Variants in RIMS2 observed in about 807,000 individuals in gnomAD.
RIMS2 encodes the protein regulating synaptic membrane exocytosis protein 2.
A neutral mutation model predicts 174.4 loss-of-function variants in RIMS2; 59 were observed. The ratio of observed to expected loss-of-function variants is 0.34; its 90% CI spans 0.27 to 0.42. The LOEUF (loss-of-function observed/expected upper bound fraction) is 0.42, where lower values mean the gene tolerates loss of function less well. Ranked by LOEUF, RIMS2 falls within the 10% of genes least tolerant of loss-of-function variation. The pLI, the probability that RIMS2 is intolerant of heterozygous loss-of-function variation, is 1.00. For synonymous variants in RIMS2, 606 were observed against 572.5 expected (o/e 1.06, Z -0.84); for missense variants, 1,620 against 1,666.3 (o/e 0.97, Z 0.48).
chr8:103,888,876 G>A (rs2099224316), intron 4 of RIMS2, among the ~76,000 whole-genome samples: 1 of 151,384 alleles, frequency 6.6e-6, no homozygotes. Flanking sequence ...TTAATCATTT[G>A]TTTCACAGAG....
rs867309777 is a variant in RIMS2 at position 103,938,488 on chromosome 8, C to T, written c.2547+1766C>T. The stretch of plus-strand genomic sequence containing the variant: ...ATTACCTCCCACTGGGTCCTTCCCA[C>T]GACACATGGGAATTGTGGAAATTAC... On this transcript the variant is annotated intron_variant, in intron 13 of 23. Transcript: ENST00000504942. 3.4e-4 allele frequency among the ~76,000 whole-genome samples: 51 copies of T among 152,184 alleles called. No homozygotes were observed. In the Middle Eastern group the frequency reaches 0.017, roughly 51 times the overall value.
chr8:104,171,755 C>G (rs1051315142), intron 19 of RIMS2, among the ~76,000 whole-genome samples: 1 of 152,076 alleles, frequency 6.6e-6, no homozygotes, highest in Non-Finnish European at 1.5e-5. Flanking sequence ...GGTTCCCATT[C>G]ATTTGGGTAA....
At chr8:103,931,533 G>A (rs1024767655) in intron 12 of RIMS2, 140 bp downstream of exon 14, 1 of 492,476 alleles carries the variant, frequency 2.0e-6, no homozygotes, top group Non-Finnish European at 3.3e-6. Context: ...ATGTTCTTAG[G>A]AAACAAAATA....
chr8:104,157,946 G>GT (rs2098734809), intron 19 of RIMS2, among the ~76,000 whole-genome samples: 1 of 151,988 alleles, frequency 6.6e-6, no homozygotes, highest in Admixed American at 6.6e-5. Context: ...AAGTTCTAGG[G>GT]TACATGTGCA....
chr8:103,875,358 C>A (rs1240827083), intron 3 of RIMS2, among the ~76,000 whole-genome samples: 1 of 151,914 alleles, frequency 6.6e-6, no homozygotes, highest in Non-Finnish European at 1.5e-5. Context: ...TAAGAACATA[C>A]AATATTTGGT....
intron 3 of RIMS2, among the ~76,000 whole-genome samples, chr8:103,839,738 T>A (rs897003216): frequency 6.6e-6 from 1 of 152,246 alleles, no homozygotes; most frequent in Non-Finnish European, 1.5e-5. Flanking sequence ...CTGGAGCTTA[T>A]TCACTTAGCT....
chr8:103,855,077 T>G (rs2099020437), intron 3 of RIMS2, among the ~76,000 whole-genome samples: 2 of 152,082 alleles, frequency 1.3e-5, no homozygotes, highest in South Asian at 4.1e-4. Flanking sequence ...TATTCCTGAT[T>G]CAGTCTCGGG....
At chr8:103,549,780 A>G (rs1016370523) in intron 1 of RIMS2, among the ~76,000 whole-genome samples, 1 of 152,172 alleles carries the variant, frequency 6.6e-6, no homozygotes, top group African/African-American at 2.4e-5. Flanking sequence ...AGGAAGATCT[A>G]CCAAGCAAAT....
chr8:103,707,686 C>T (rs747946324), intron 2 of RIMS2, among the ~76,000 whole-genome samples: 1 of 152,106 alleles, frequency 6.6e-6, no homozygotes, highest in Non-Finnish European at 1.5e-5. Context: ...GCAAGTGGCA[C>T]CATGCTGGGT....
At chr8:103,619,996 T>A (rs1033454336) in intron 1 of RIMS2, among the ~76,000 whole-genome samples, 1 of 152,166 alleles carries the variant, frequency 6.6e-6, no homozygotes, top group African/African-American at 2.4e-5. Context: ...TTTTGCATTT[T>A]ACCTATAACA....
chr8:103,859,511 TAA>T (rs1280368801), intron 3 of RIMS2, among the ~76,000 whole-genome samples: 1 of 152,092 alleles, frequency 6.6e-6, no homozygotes, highest in Non-Finnish European at 1.5e-5. Context: ...ACTTAAGCAG[TAA>T]AGTTACTGAT....
intron 1 of RIMS2, among the ~76,000 whole-genome samples, chr8:103,627,326 A>G (rs4299973): frequency 0.18 from 27,862 of 152,112 alleles, 2,808 homozygotes; most frequent in African/African-American, 0.26. Flanking sequence ...CCTGAAAATC[A>G]CTGTTATTCT....
intron 19 of RIMS2, among the ~76,000 whole-genome samples, chr8:104,194,934 A>T (rs1046389599): frequency 2.0e-5 from 3 of 152,230 alleles, no homozygotes; most frequent in Non-Finnish European, 2.9e-5. Context: ...ATTCAGTATT[A>T]CTGAAGCTTG....
In RIMS2 at chr8:103,593,038, T is replaced by C. The variant is rs536003441; in HGVS notation, c.176+91976T>C. Among the ~76,000 whole-genome samples the C allele has an allele frequency of 4.6e-5, 7 of 151,552 alleles. No homozygotes were observed. The East Asian group carries it at 1.4e-3, about 29-fold the overall frequency. ...TGAAAGAAGTGCCAAACTATTGTTA[T>C]TTACATTTGGATGTTTGAAGACATT... On this transcript the variant is annotated intron_variant, in intron 1 of 23. Coordinates refer to ENST00000504942, the Ensembl canonical transcript of RIMS2.
At chr8:103,749,304 G>A (rs1054032817) in intron 2 of RIMS2, among the ~76,000 whole-genome samples, 3 of 150,870 alleles carry the variant, frequency 2.0e-5, no homozygotes, top group Non-Finnish European at 4.4e-5. Context: ...AGTAGAAACG[G>A]GGTTTCACCA....
At chr8:103,918,609 G>T (rs749954069) in intron 9 of RIMS2, 122 bp downstream of exon 12, 3 of 717,594 alleles carry the variant, frequency 4.2e-6, no homozygotes, top group Non-Finnish European at 7.3e-6. Context: ...AAGTCTGTAA[G>T]CATATAAAGA....
chr8:103,988,993 A>G (rs949565070), intron 16 of RIMS2, among the ~76,000 whole-genome samples: 14 of 152,174 alleles, frequency 9.2e-5, no homozygotes, highest in Admixed American at 7.2e-4. Context: ...ATTATTGAGT[A>G]TCAGTACTAG....
rs117009363 is a variant in RIMS2, at chr8:104,128,722, A to G, written c.3334+114107A>G. 9.2e-5 allele frequency among the ~76,000 whole-genome samples: 14 copies of G among 152,204 alleles called. No individual in the cohort carries two copies. In the East Asian group the frequency reaches 2.3e-3, roughly 25 times the overall value. ...CAAAAAAATAAAAAATAAAAAATCT[A>G]TCTCTTACGTAACAAAATAAATAGT... On this transcript the variant is annotated intron_variant, in intron 19 of 23. Coordinates refer to ENST00000504942, the Ensembl canonical transcript of RIMS2.
chr8:103,633,491 A>T (rs1016595244), intron 1 of RIMS2, among the ~76,000 whole-genome samples: 9 of 151,988 alleles, frequency 5.9e-5, no homozygotes, highest in African/African-American at 2.2e-4. Context: ...TTTTGGCCTG[A>T]AGTTTTCTTT....
Sources: gnomAD v4.1 joint callset for allele counts (sites outside exome capture counted in the v4.1 genomes callset) on GRCh38, gnomAD v4.1.1 for gene constraint, MANE v1.5 for transcripts, NCBI Gene and HGNC (gene_info 2026-07-23, HGNC 2026-07-21) for gene names.